KIAA1671: variants seen among roughly 807,000 people sequenced by gnomAD.
KIAA1671 encodes the protein uncharacterized protein KIAA1671.
In KIAA1671, 52 loss-of-function variants were observed where a neutral mutation model predicts 131.2. The ratio of observed to expected loss-of-function variants is 0.40; its 90% CI spans 0.32 to 0.50. The LOEUF is 0.50. Among genes scored for constraint, KIAA1671 ranks in the 20% least tolerant of loss-of-function variants. The probability of loss-of-function intolerance (pLI) is 0.73; values close to 1 mark genes in which losing one functional copy is unlikely to be tolerated. For missense variants in KIAA1671, 2,360 were observed against 2,364.2 expected (o/e 1.00, Z 0.04); for synonymous variants, 1,003 against 961.6 (o/e 1.04, Z -0.80).
intron 1 of KIAA1671, among the ~76,000 whole-genome samples, chr22:24,995,382 A>G (rs945676987): frequency 4.2e-5 from 6 of 144,038 alleles, no homozygotes; most frequent in African/African-American, 1.6e-4. Flanking sequence ...TGGCAGGGGC[A>G]GGGTCTCACT....
intron 1 of KIAA1671, among the ~76,000 whole-genome samples, chr22:24,967,795 A>G (rs1218235347): frequency 1.3e-5 from 2 of 152,190 alleles, no homozygotes; most frequent in South Asian, 2.1e-4. Context: ...GATCGAGACC[A>G]TCCTGGCTAA....
At chr22:25,002,717 C>G (rs759476674) in intron 1 of KIAA1671, among the ~76,000 whole-genome samples, 3 of 152,066 alleles carry the variant, frequency 2.0e-5, no homozygotes, top group African/African-American at 7.2e-5. Context: ...CTGAGAAACA[C>G]TTGGATGCTG....
intron 6 of KIAA1671, among the ~76,000 whole-genome samples, chr22:25,164,978 CGTGTGTGTGTGTGT>C (rs59765745): frequency 2.2e-4 from 26 of 116,602 alleles, no homozygotes; most frequent in African/African-American, 3.6e-4. Flanking sequence ...GAGTTGCAGG[CGTGTGTGTGTGTGT>C]GTGTGTGTGT....
Position 25,028,517 on chromosome 22 carries a change from G to T in KIAA1671, c.518G>T (p.Gly173Val). Residue 173 changes from glycine (G) to valine (V), a missense_variant, in exon 3 of 13, where the codon GGC (glycine) becomes GTC (valine). Physicochemically the swap from Gly to Val is moderately radical, Grantham distance 109. Coordinates refer to ENST00000358431, the MANE Select transcript of KIAA1671 (RefSeq NM_001145206.2). ...GAEEAKLGVS[G>V]SRPEVAAKPA... The stretch of plus-strand genomic sequence containing the variant: ...GAGGAGGCCAAGCTAGGTGTGTCCG[G>T]CTCCCGGCCTGAGGTGGCTGCCAAG... 1 of 1,549,340 alleles carries T rather than the reference G, an allele frequency of 6.5e-7. No individual in the cohort carries two copies. The highest frequency in any genetic ancestry group is 8.7e-7 in the Non-Finnish European group (1 of 1,146,176).
chr22:25,034,760 T>C (rs1447927096), intron 4 of KIAA1671, among the ~76,000 whole-genome samples: 3 of 151,996 alleles, frequency 2.0e-5, no homozygotes, highest in Non-Finnish European at 4.4e-5. Flanking sequence ...ATTTTTGAGA[T>C]GGAGTCTCGC....
At chr22:25,034,750 A>G (rs1926495328) in intron 4 of KIAA1671, among the ~76,000 whole-genome samples, 1 of 150,130 alleles carries the variant, frequency 6.7e-6, no homozygotes, top group Non-Finnish European at 1.5e-5. Context: ...ATTATTTTTC[A>G]TTTTTGAGAT....
At chr22:25,007,948 C>G (rs919387851) in intron 1 of KIAA1671, among the ~76,000 whole-genome samples, 3 of 152,134 alleles carry the variant, frequency 2.0e-5, no homozygotes, top group African/African-American at 7.2e-5. Flanking sequence ...GTAATCCCAG[C>G]ACTTGGGGAG....
chr22:25,029,567 T>TCTCAGC (rs1178363699), intron 3 of KIAA1671, 27 bp downstream of exon 3: 12 of 1,463,878 alleles, frequency 8.2e-6, no homozygotes, highest in Non-Finnish European at 1.1e-5. Context: ...CACACCCCTC[T>TCTCAGC]CTCAGCCGCC....
At chr22:25,019,004 C>G (rs1377933154) in intron 1 of KIAA1671, among the ~76,000 whole-genome samples, 3 of 151,184 alleles carry the variant, frequency 2.0e-5, no homozygotes, top group African/African-American at 7.3e-5. Flanking sequence ...ACAACACCAG[C>G]AAGGTATAAG....
At chr22:25,094,747 G>A (rs193266419) in intron 6 of KIAA1671, among the ~76,000 whole-genome samples, 7 of 152,112 alleles carry the variant, frequency 4.6e-5, no homozygotes, top group African/African-American at 9.7e-5. Flanking sequence ...CACCATTACC[G>A]TCTGAGCCTG....
Position 25,028,855 on chromosome 22 carries a change from G to A in KIAA1671, c.856G>A (p.Asp286Asn), listed in dbSNP as rs1415622939. 13 of 1,550,860 alleles carry A rather than the reference G, an allele frequency of 8.4e-6. No individual in the cohort carries two copies. Among genetic ancestry groups the A allele is most frequent in the African/African-American group, 2.7e-5 (2 of 73,064 alleles). The change falls in exon 3 of 13, where the codon GAC becomes AAC. Residue 286 changes from aspartate (D) to asparagine (N), a missense_variant. Physicochemically the swap from Asp to Asn is conservative, Grantham distance 23. Transcript: ENST00000358431. ...GAGGAAGCCCAGGCCCTTGTCCATG[G>A]ACCTCACGGCCCGGTTTGAGAACAA... Reference protein sequence around the residue: ...WVRKPRPLSMDLTARFENKEA... With the variant: ...WVRKPRPLSMNLTARFENKEA...
intron 6 of KIAA1671, among the ~76,000 whole-genome samples, chr22:25,077,893 A>G (rs908447991): frequency 2.0e-5 from 3 of 152,250 alleles, no homozygotes; most frequent in Non-Finnish European, 2.9e-5. Flanking sequence ...TCTAGGTGAC[A>G]GTAGTAATAA....
In KIAA1671 at chr22:25,093,812, GTCTCTCTCTCTTTCTCTCTCTGTCTGTC is replaced by G. The variant is rs1930231970; in HGVS notation, c.4530+44460_4530+44487del. Among the ~76,000 whole-genome samples the G allele has an allele frequency of 6.8e-4, 21 of 31,038 alleles. 2 individuals are homozygous for G. The highest frequency in any genetic ancestry group is 1.1e-3 in the South Asian group (1 of 910). The allele number at this position is 31,038 out of a possible 152,430, so 20.4% of individuals were successfully genotyped here. A position where few individuals can be genotyped will look rare whatever the true frequency, so the allele number is the denominator to read the frequency against. On this transcript the variant is annotated intron_variant, in intron 6 of 12. Coordinates refer to ENST00000358431, the MANE Select transcript of KIAA1671 (RefSeq NM_001145206.2). ...TCTCTCTCTCTCTCTCTCTCTCTCTGTCTCTCTCTCTTTCTCTCTCTGTCTGTCTCTCTCTCTCTCTCTCTCTCTCTCT... is the reference window on the plus strand; with the variant it reads ...TCTCTCTCTCTCTCTCTCTCTCTCTGTCTCTCTCTCTCTCTCTCTCTCTCT...
chr22:25,190,865 A>C lies in KIAA1671; in HGVS notation c.*4+81A>C. ...GGAACTCAGGGGGGCCACGCTTCAG[A>C]GACTGGGGCTGTTGTACCCAAGGAA... On this transcript the variant is annotated intron_variant, in intron 12 of 12. Coordinates refer to ENST00000358431, the MANE Select transcript of KIAA1671 (RefSeq NM_001145206.2). 3 of 940,154 alleles carry C rather than the reference A, an allele frequency of 3.2e-6. No individual in the cohort carries two copies. In the East Asian group the frequency reaches 7.9e-5, roughly 25 times the overall value. 58.2% of individuals were successfully genotyped at this position (940,154 alleles called of 1,614,324 possible).
chr22:25,074,321 A>G (rs924634257), intron 6 of KIAA1671, among the ~76,000 whole-genome samples: 10 of 151,298 alleles, frequency 6.6e-5, no homozygotes, highest in African/African-American at 2.4e-4. Flanking sequence ...CCTGGTCAAC[A>G]TGGTGAAACC....
chr22:25,002,969 G>C (rs1427221499), intron 1 of KIAA1671, among the ~76,000 whole-genome samples: 1 of 152,098 alleles, frequency 6.6e-6, no homozygotes, highest in African/African-American at 2.4e-5. Context: ...ATGGGATTTT[G>C]CCATGTTGCC....
At chr22:25,156,069 T>C (rs1158610605) in intron 6 of KIAA1671, among the ~76,000 whole-genome samples, 5 of 122,156 alleles carry the variant, frequency 4.1e-5, no homozygotes, top group African/African-American at 1.5e-4. Flanking sequence ...GCACCCAGGC[T>C]GGAGTGCAGT....
chr22:24,983,160 C>T (rs1304443515), intron 1 of KIAA1671, among the ~76,000 whole-genome samples: 1 of 152,132 alleles, frequency 6.6e-6, no homozygotes, highest in African/African-American at 2.4e-5. Flanking sequence ...GGGGGATGAA[C>T]TTTAGCTGAG....
In KIAA1671 at chr22:25,040,359, G is replaced by A. The variant is rs1385877753; in HGVS notation, c.3229G>A (p.Glu1077Lys). The A allele has an allele frequency of 1.3e-6, 2 of 1,551,752 alleles. No individual in the cohort carries two copies. Among genetic ancestry groups the A allele is most frequent in the Non-Finnish European group, 8.7e-7 (1 of 1,147,026 alleles). Reference sequence around the variant, plus strand: ...ATCCACTTTGGTTTCTCTTGGTCATGAAGAGGCATTGGAGATGGCAGGCAG... The same window carrying A: ...ATCCACTTTGGTTTCTCTTGGTCATAAAGAGGCATTGGAGATGGCAGGCAG... ...LTSTLVSLGH[E>K]EALEMAGSKN... Residue 1077 changes from glutamate (E) to lysine (K), a missense_variant, in exon 5 of 13, where the codon GAA (glutamate) becomes AAA (lysine). By Grantham distance (56) the Glu-to-Lys change is moderately conservative. Around this residue, in one of 3 missense-constraint regions of KIAA1671, gnomAD observed 1,161 missense variants for 1,204.7 expected, o/e 0.96. Coordinates refer to ENST00000358431, the MANE Select transcript of KIAA1671 (RefSeq NM_001145206.2).
Sources: gnomAD v4.1 joint callset for allele counts (sites outside exome capture counted in the v4.1 genomes callset) on GRCh38, gnomAD v4.1.1 for gene constraint, gnomAD v4.1.1 regional missense constraint, MANE v1.5 for transcripts, NCBI Gene and HGNC (gene_info 2026-07-23, HGNC 2026-07-21) for gene names.